Variants in CC2D1A observed in about 807,000 individuals in gnomAD.
The protein encoded by CC2D1A is coiled-coil and C2 domain containing 1A.
In CC2D1A, 68 loss-of-function variants were observed where a neutral mutation model predicts 123.8. That is an observed-to-expected ratio of 0.55 (90% CI 0.45 to 0.67). The LOEUF (loss-of-function observed/expected upper bound fraction) is 0.67, where lower values mean the gene tolerates loss of function less well. Among genes scored for constraint, CC2D1A ranks in the 30% least tolerant of loss-of-function variants. The pLI is 0.00. For synonymous variants in CC2D1A, 477 were observed against 528.0 expected, an observed-to-expected ratio of 0.90 and a Z score of 1.32; for missense variants, 1,185 against 1,290.3, an observed-to-expected ratio of 0.92 and a Z score of 1.25.
rs1971303917 is a variant in CC2D1A at position 13,918,923 on chromosome 19, C to T, written c.1030C>T (p.Pro344Ser). The T allele has an allele frequency of 1.9e-5, 30 of 1,609,330 alleles. No homozygotes were observed. Among genetic ancestry groups the T allele is most frequent in the Non-Finnish European group, 2.5e-5 (29 of 1,177,252 alleles). The stretch of plus-strand genomic sequence containing the variant: ...CCTGTCCGGCCCAGAGGTGCCCCCA[C>T]CCCCGAGGACCCTGCTGGAGGCGCT... ...TAPSTTEVPP[P>S]PRTLLEALEQ... Residue 344 changes from proline to serine, a missense_variant, in exon 10 of 29, where the codon CCC becomes TCC. Transcript: ENST00000318003.
Position 13,918,968 on chromosome 19 carries a change from T to G in CC2D1A, c.1075T>G (p.Tyr359Asp). ...GGCGCTGGAGCAGCGGATGGAGCGG[T>G]ACCAGGTGGCCGCAGCCCAGGCCAA... ...LEALEQRMER[Y>D]QVAAAQAKSK... The change falls in exon 10 of 29, where the codon TAC (tyrosine) becomes GAC (aspartate). Residue 359 changes from tyrosine (Y) to aspartate (D), a missense_variant. Tyr to Asp is a radical substitution (Grantham distance 160). Transcript: ENST00000318003. The G allele has an allele frequency of 6.2e-7, 1 of 1,610,372 alleles. No homozygotes were observed. The highest frequency in any genetic ancestry group is 1.7e-5 in the Admixed American group (1 of 59,564).
In CC2D1A at chr19:13,912,433, C is replaced by A; in HGVS notation, c.307C>A (p.Leu103Met). ...DEDDLEADDDLLAELNEVLGE... is the reference protein window; with the variant it reads ...DEDDLEADDDMLAELNEVLGE... Reference sequence around the variant, plus strand: ...GGACGACTTGGAGGCTGATGATGACCTGCTGGTGAGCACTGAGGGCGGGGT... The same window carrying A: ...GGACGACTTGGAGGCTGATGATGACATGCTGGTGAGCACTGAGGGCGGGGT... Residue 103 changes from leucine (L) to methionine (M), a missense_variant, in exon 3 of 29, where the codon CTG (leucine) becomes ATG (methionine). Transcript: ENST00000318003. 6.2e-7 allele frequency: 1 copy of A among 1,613,866 alleles called. No individual in the cohort carries two copies. The highest frequency in any genetic ancestry group is 8.5e-7 in the Non-Finnish European group (1 of 1,179,916).
Position 13,906,311 on chromosome 19 carries a change from A to G in CC2D1A, c.-131A>G. ...CCAAGCAGGGAAGCGAGGGCTCGGG[A>G]TCGACGGCCGCGGGGCGCCGACGAG... On this transcript the variant is annotated 5_prime_UTR_variant, in exon 1 of 29. Coordinates refer to ENST00000318003, the MANE Select transcript of CC2D1A (RefSeq NM_017721.5). The surrounding 1 kb of genome is among the most constrained non-coding windows in gnomAD (Gnocchi z 4.1). The G allele has an allele frequency of 1.5e-6, 1 of 656,472 alleles. No individual in the cohort carries two copies. Among genetic ancestry groups the G allele is most frequent in the Non-Finnish European group, 2.3e-6 (1 of 436,028 alleles). 40.7% of individuals were successfully genotyped at this position (656,472 alleles called of 1,614,324 possible). A position where few individuals can be genotyped will look rare whatever the true frequency, so the allele number is the denominator to read the frequency against.
rs369145103 is a variant in CC2D1A at position 13,923,506 on chromosome 19, C to G, written c.1765-42C>G. 14 of 1,614,168 alleles carry G rather than the reference C, an allele frequency of 8.7e-6. No individual in the cohort carries two copies. The African/African-American group carries it at 1.2e-4, about 14-fold the overall frequency. ...CCCCAGGAGCGTGACCCTCCTTCCCCTCTCTTCCCTTCCCTCGACTCACTG... is the reference window on the plus strand; with the variant it reads ...CCCCAGGAGCGTGACCCTCCTTCCCGTCTCTTCCCTTCCCTCGACTCACTG... On this transcript the variant is annotated intron_variant, in intron 15 of 28. Coordinates refer to ENST00000318003, the MANE Select transcript of CC2D1A (RefSeq NM_017721.5). This position sits in a 1 kb window ranked among gnomAD's most constrained non-coding sequence, Gnocchi z 5.3.
chr19:13,909,172 A>T (rs1181183246), intron 1 of CC2D1A, among the ~76,000 whole-genome samples: 2 of 151,972 alleles, frequency 1.3e-5, no homozygotes, highest in Non-Finnish European at 2.9e-5. Flanking sequence ...GGAGATCGAG[A>T]CCATCCTGGC....
intron 7 of CC2D1A, 76 bp downstream of exon 7, chr19:13,918,270 A>G: frequency 2.1e-6 from 3 of 1,441,802 alleles, no homozygotes; most frequent in Non-Finnish European, 9.2e-7. Context: ...CAAAGCACCC[A>G]AATTTGCATC....
chr19:13,923,538 GTT>G lies in CC2D1A; in HGVS notation c.1765-8_1765-7del, dbSNP rs746445181. On this transcript the variant is annotated splice_region_variant and splice_polypyrimidine_tract_variant and intron_variant, in intron 15 of 28. Transcript: ENST00000318003. The surrounding 1 kb of genome is among the most constrained non-coding windows in gnomAD (Gnocchi z 5.3). Reference sequence around the variant, plus strand: ...CCCTTCCCTCGACTCACTGCCTTCTGTTTCCCCAGATGTGCCTGAACCACTCA... The same window carrying G: ...CCCTTCCCTCGACTCACTGCCTTCTGTCCCCAGATGTGCCTGAACCACTCA... 1 of 1,613,760 alleles carries G rather than the reference GTT, an allele frequency of 6.2e-7. No homozygotes were observed. The highest frequency in any genetic ancestry group is 8.5e-7 in the Non-Finnish European group (1 of 1,179,968).
rs768977832 is a variant in CC2D1A at position 13,929,328 on chromosome 19, G to C, written c.2520-51G>C. The C allele has an allele frequency of 1.1e-5, 18 of 1,582,950 alleles. No individual in the cohort carries two copies. The South Asian group carries it at 1.9e-4, about 17-fold the overall frequency. ...CCCAGTGTGTCTTTTGAATTAACAGGGTTGGGCTGGGGGAATCTCTGCAGT... is the reference window on the plus strand; with the variant it reads ...CCCAGTGTGTCTTTTGAATTAACAGCGTTGGGCTGGGGGAATCTCTGCAGT... On this transcript the variant is annotated intron_variant, in intron 24 of 28. Transcript: ENST00000318003.
Position 13,919,198 on chromosome 19 carries a change from C to G in CC2D1A, c.1218C>G (p.Pro406=). 2 of 1,611,638 alleles carry G rather than the reference C, an allele frequency of 1.2e-6. No homozygotes were observed. Among genetic ancestry groups the G allele is most frequent in the Non-Finnish European group, 8.5e-7 (1 of 1,178,942 alleles). ...TGGATGTCGCTGAATTGCCCGTGCCCCCAGGTAGGCCTTGCCCCTGTAGGC... is the reference window on the plus strand; with the variant it reads ...TGGATGTCGCTGAATTGCCCGTGCCGCCAGGTAGGCCTTGCCCCTGTAGGC... ...RAVDVAELPV[P]PGFPPIQGLE... Residue 406 remains proline, a synonymous_variant, in exon 11 of 29, where the codon CCC becomes CCG. Coordinates refer to ENST00000318003, the MANE Select transcript of CC2D1A (RefSeq NM_017721.5).
chr19:13,924,878 T>C (rs898731137), intron 17 of CC2D1A, among the ~76,000 whole-genome samples: 8 of 152,058 alleles, frequency 5.3e-5, no homozygotes, highest in African/African-American at 1.9e-4. Flanking sequence ...ACAGCCTGGC[T>C]CCTTGTCACC....
chr19:13,919,701 A>T lies in CC2D1A; in HGVS notation c.1223-117A>T, dbSNP rs141151346. ...TCAAAAAAAAAAAAATTAATTAATT[A>T]AAAAAAGTAAAGGCCCAAGACTCTA... On this transcript the variant is annotated intron_variant, in intron 11 of 28. Coordinates refer to ENST00000318003, the MANE Select transcript of CC2D1A (RefSeq NM_017721.5). 5.1e-3 allele frequency: 5,581 copies of T among 1,100,430 alleles called. 20 individuals carry two copies. Among genetic ancestry groups the T allele is most frequent in the Non-Finnish European group, 6.0e-3 (4,969 of 823,720 alleles). The allele number at this position is 1,100,430 out of a possible 1,614,324, so 68.2% of individuals were successfully genotyped here. A position where few individuals can be genotyped will look rare whatever the true frequency, so the allele number is the denominator to read the frequency against.
chr19:13,913,616 G>C lies in CC2D1A; in HGVS notation c.726G>C (p.Leu242Phe). The change falls in exon 6 of 29, where the codon TTG (leucine) becomes TTC (phenylalanine). Residue 242 changes from leucine (L) to phenylalanine (F), a missense_variant. Transcript: ENST00000318003. ...CCGCCCCAGCCTCATCTCCAGGCTT[G>C]GCTAAGCCCCAGATGCCCCCAGGTA... ...SATAPASSPG[L>F]AKPQMPPGPC... 1.9e-6 allele frequency: 3 copies of C among 1,609,258 alleles called. No individual in the cohort carries two copies. The African/African-American group carries it at 4.0e-5, about 21-fold the overall frequency.
At chr19:13,916,384 G>A (rs924111712) in intron 6 of CC2D1A, among the ~76,000 whole-genome samples, 5 of 151,966 alleles carry the variant, frequency 3.3e-5, no homozygotes, top group Non-Finnish European at 7.4e-5. Flanking sequence ...GGGCAACATA[G>A]GGAAACTGCG....
At chr19:13,911,187 C>T (rs776768638) in intron 2 of CC2D1A, among the ~76,000 whole-genome samples, 27 of 152,118 alleles carry the variant, frequency 1.8e-4, no homozygotes, top group South Asian at 6.2e-4. Context: ...GATTGGGCCA[C>T]TGCACTCCAG....
chr19:13,929,810 G>C lies in CC2D1A; in HGVS notation c.2710+150G>C, dbSNP rs1403827776. ...GCTCGGGGATGGGCACCTGGAGGGGGAGGGGCTCGGGGATGGGCACCTGGA... is the reference window on the plus strand; with the variant it reads ...GCTCGGGGATGGGCACCTGGAGGGGCAGGGGCTCGGGGATGGGCACCTGGA... On this transcript the variant is annotated intron_variant, in intron 26 of 28. Transcript: ENST00000318003. 437 of 176,558 alleles carry C rather than the reference G, an allele frequency of 2.5e-3. 16 individuals are homozygous for C. In the African/African-American group the frequency reaches 0.045, roughly 18 times the overall value. 10.9% of individuals were successfully genotyped at this position (176,558 alleles called of 1,614,324 possible).
rs994729352 is a variant in CC2D1A at position 13,930,261 on chromosome 19, T to C, written c.2807T>C (p.Leu936Pro). Residue 936 changes from leucine to proline, a missense_variant, in exon 28 of 29, where the codon CTC becomes CCC. By Grantham distance (98) the Leu-to-Pro change is moderately conservative (BLOSUM62 -3). Transcript: ENST00000318003. This position sits in a 1 kb window ranked among gnomAD's most constrained non-coding sequence, Gnocchi z 6.8. ...DGSRDAAKEA[L>P]YRRNLVESEL... is the part of the protein sequence containing the mutation. ...CCACAGGATGCTGCAAAGGAGGCGC[T>C]CTATAGGCGGAATCTGGTAGAGAGT... The C allele has an allele frequency of 6.2e-7, 1 of 1,613,798 alleles. No individual in the cohort carries two copies.
chr19:13,925,182 T>G (rs1466286502), intron 17 of CC2D1A, among the ~76,000 whole-genome samples: 1 of 152,222 alleles, frequency 6.6e-6, no homozygotes, highest in Non-Finnish European at 1.5e-5. Flanking sequence ...TATGTACTTA[T>G]GCTCATCTGT....
rs2305777 is a variant in CC2D1A at position 13,927,978 on chromosome 19, C to T, written c.2402C>T (p.Thr801Met). ...CCACTGACAGCCCAGCAGTTGGAGA[C>T]GACGACAGAGAGGTGGCTGGTCATT... ...REPLTAQQLE[T>M]TTERWLVIDP... The change falls in exon 23 of 29, where the codon ACG becomes ATG. Residue 801 changes from threonine (T) to methionine (M), a missense_variant. By Grantham distance (81) the Thr-to-Met change is moderately conservative. Coordinates refer to ENST00000318003, the MANE Select transcript of CC2D1A (RefSeq NM_017721.5). 0.25 allele frequency: 397,511 copies of T among 1,613,272 alleles called. 52,801 individuals are homozygous for T. Among genetic ancestry groups the T allele is most frequent in the Non-Finnish European group, 0.28 (325,931 of 1,179,710 alleles).
chr19:13,913,020 C>A, intron 4 of CC2D1A, 148 bp from the exon 5 acceptor site: 1 of 810,202 alleles, frequency 1.2e-6, no homozygotes, highest in Non-Finnish European at 1.9e-6. Flanking sequence ...ATTCCCTCCA[C>A]TGGGAAATGG....
Sources: gnomAD v4.1 joint callset for allele counts (sites outside exome capture counted in the v4.1 genomes callset) on GRCh38, gnomAD v4.1.1 for gene constraint, Gnocchi (gnomAD v3.1) non-coding constraint, MANE v1.5 for transcripts, NCBI Gene and HGNC (gene_info 2026-07-23, HGNC 2026-07-21) for gene names.